The following BEND7 variants were observed in gnomAD, a reference collection of about 807,000 sequenced individuals.
The protein encoded by BEND7 is BEN domain containing 7, also known as BEN domain-containing protein 7.
Under a neutral mutation model 50.9 loss-of-function variants are expected in BEND7, and 28 were observed. The ratio of observed to expected loss-of-function variants is 0.55; its 90% confidence interval spans 0.41 to 0.75. The LOEUF (loss-of-function observed/expected upper bound fraction) is 0.75. Among genes scored for constraint, BEND7 ranks in the 30% least tolerant of loss-of-function variants. The pLI is 0.00. For missense variants in BEND7, 477 were observed against 491.3 expected (o/e 0.97, Z 0.28); for synonymous variants, 170 against 183.9 (o/e 0.92, Z 0.61).
At chr10:13,513,908 CT>C (rs1311143789) in intron 2 of BEND7, among the ~76,000 whole-genome samples, 1 of 152,170 alleles carries the variant, frequency 6.6e-6, no homozygotes, top group African/African-American at 2.4e-5. Context: ...ACTGGGGCAA[CT>C]TTTAAAAAAT....
chr10:13,451,197 T>G (rs1837602753), intron 7 of BEND7, among the ~76,000 whole-genome samples: 1 of 151,758 alleles, frequency 6.6e-6, no homozygotes, highest in South Asian at 2.1e-4. Context: ...CACCTTTTTT[T>G]TTTTTTTAAA....
At chr10:13,511,848 T>C (rs142690654) in intron 2 of BEND7, among the ~76,000 whole-genome samples, 21 of 152,282 alleles carry the variant, frequency 1.4e-4, no homozygotes, top group East Asian at 3.9e-4. Context: ...GAGATCTGCA[T>C]TGGATGCATC....
downstream of BEND7, among the ~76,000 whole-genome samples, chr10:13,440,561 G>A (rs961213373): frequency 6.6e-6 from 1 of 152,238 alleles, no homozygotes; most frequent in African/African-American, 2.4e-5. Context: ...CGAAGAAGCT[G>A]GATTCCAGCC....
intron 6 of BEND7, 108 bp from the exon 7 acceptor site, chr10:13,452,766 C>T (rs1305353696): frequency 8.1e-6 from 8 of 988,716 alleles, no homozygotes; most frequent in African/African-American, 6.6e-5. Context: ...TAAAGGAGGT[C>T]AGTTCTGCAC....
intron 5 of BEND7, among the ~76,000 whole-genome samples, chr10:13,489,194 C>A (rs1209381145): frequency 6.6e-6 from 1 of 152,130 alleles, no homozygotes; most frequent in African/African-American, 2.4e-5. Flanking sequence ...GGGGAGGGGT[C>A]AGGTTCATTG....
intron 5 of BEND7, among the ~76,000 whole-genome samples, chr10:13,490,178 G>A (rs539962417): frequency 2.0e-5 from 3 of 152,278 alleles, no homozygotes; most frequent in South Asian, 2.1e-4. Flanking sequence ...GTGACACTAC[G>A]AGTCACAACG....
chr10:13,481,162 T>C, intron 5 of BEND7, 38 bp from the exon 6 acceptor site: 2 of 1,602,098 alleles, frequency 1.2e-6, no homozygotes, highest in South Asian at 2.2e-5. Context: ...AAAAGCAAGA[T>C]TTGAAGCATC....
chr10:13,518,827 G>T (rs980242974), intron 2 of BEND7, among the ~76,000 whole-genome samples: 1 of 152,182 alleles, frequency 6.6e-6, no homozygotes, highest in Non-Finnish European at 1.5e-5. Flanking sequence ...AATCTTCAGA[G>T]TCCTAACGAC....
intron 2 of BEND7, among the ~76,000 whole-genome samples, chr10:13,525,849 A>G (rs928910032): frequency 2.0e-5 from 3 of 152,178 alleles, no homozygotes; most frequent in Non-Finnish European, 2.9e-5. Flanking sequence ...ATGCAATGTA[A>G]ATGGGGTGAG....
downstream of BEND7, chr10:13,439,269 A>G (rs1003473687): frequency 6.2e-7 from 1 of 1,614,140 alleles, no homozygotes; most frequent in Non-Finnish European, 8.5e-7. Flanking sequence ...TGTAGCTGAG[A>G]CCTGAGTTAT....
chr10:13,439,095 A>T, downstream of BEND7: 1 of 1,362,268 alleles, frequency 7.3e-7, no homozygotes, highest in Non-Finnish European at 1.0e-6. Context: ...CTGAAATCTT[A>T]ACAGCCTGAC....
chr10:13,510,774 T>C (rs1375472804), intron 2 of BEND7, among the ~76,000 whole-genome samples: 10 of 152,140 alleles, frequency 6.6e-5, no homozygotes, highest in Admixed American at 6.5e-4. Context: ...ACATGTTAAA[T>C]AGCATAATTC....
chr10:13,513,347 C>T (rs1018849349), intron 2 of BEND7, among the ~76,000 whole-genome samples: 1 of 152,184 alleles, frequency 6.6e-6, no homozygotes, highest in Admixed American at 6.5e-5. Flanking sequence ...CAAGAGGACT[C>T]CAGCCCAGAT....
At position 13,479,047 on chromosome 10, in the gene BEND7, C is replaced by T. The variant is rs117807635; in HGVS notation, c.1063+1852G>A. Among the ~76,000 whole-genome samples the T allele has an allele frequency of 6.2e-3, 939 of 150,464 alleles. 3 individuals carry two copies. Among genetic ancestry groups the T allele is most frequent in the Non-Finnish European group, 0.011 (729 of 67,768 alleles). ...TTTGAGACCAAGTCTGGCCCTGTTG[C>T]CCAGGCTGGAGTACAATGGTGCGAT... On this transcript the variant is annotated intron_variant, in intron 6 of 8. Transcript: ENST00000466271.
At chr10:13,505,971 C>T (rs1028661566) in intron 2 of BEND7, among the ~76,000 whole-genome samples, 8 of 152,100 alleles carry the variant, frequency 5.3e-5, no homozygotes, top group Non-Finnish European at 1.2e-4. Context: ...AGACTGAAAA[C>T]GTATCAGAAA....
intron 5 of BEND7, among the ~76,000 whole-genome samples, chr10:13,482,911 G>A (rs537234131): frequency 2.0e-5 from 3 of 152,192 alleles, no homozygotes; most frequent in Non-Finnish European, 4.4e-5. Flanking sequence ...TTAGGATTGA[G>A]AGAATTTTAC....
At chr10:13,478,255 G>T (rs1388921639) in intron 6 of BEND7, among the ~76,000 whole-genome samples, 2 of 152,182 alleles carry the variant, frequency 1.3e-5, no homozygotes, top group African/African-American at 4.8e-5. Context: ...TTCCAGGGAG[G>T]GAGTTCACAA....
chr10:13,526,689 A>G (rs998990939), intron 1 of BEND7, among the ~76,000 whole-genome samples: 2 of 152,234 alleles, frequency 1.3e-5, no homozygotes, highest in Non-Finnish European at 2.9e-5. Context: ...GCAAGCACAC[A>G]TGAAAAATAC....
chr10:13,489,192 G>A (rs535251168), intron 5 of BEND7, among the ~76,000 whole-genome samples: 25 of 152,246 alleles, frequency 1.6e-4, no homozygotes, highest in African/African-American at 4.6e-4. Context: ...GTGGGGAGGG[G>A]TCAGGTTCAT....
Sources: allele counts gnomAD v4.1 joint callset (sites outside exome capture counted in the v4.1 genomes callset), GRCh38; gene constraint gnomAD v4.1.1; transcripts MANE v1.5; gene names NCBI Gene and HGNC (gene_info 2026-07-23, HGNC 2026-07-21).